Variants in DCAF5 observed in about 807,000 individuals in gnomAD.
The protein encoded by DCAF5 is DDB1- and CUL4-associated factor 5.
A neutral mutation model predicts 80.7 loss-of-function variants in DCAF5; 9 were observed. The observed-to-expected ratio is 0.11, with a 90% CI of 0.07 to 0.19. DCAF5 has a LOEUF of 0.19. DCAF5 is among the 10% of genes least tolerant of loss of function. DCAF5 has a pLI of 1.00. For missense variants in DCAF5, 842 were observed against 1,205.7 expected, an observed-to-expected ratio of 0.70 and a Z score of 4.47; for synonymous variants, 433 against 461.9, an observed-to-expected ratio of 0.94 and a Z score of 0.80.
intron 6 of DCAF5, chr14:69,083,794 GAAGA>G: frequency 1.4e-6 from 1 of 703,800 alleles, no homozygotes; most frequent in Non-Finnish European, 2.6e-6. Flanking sequence ...GGAATCTGAA[GAAGA>G]AAGTGCCAAG....
chr14:69,069,783 T>C (rs1302657429), intron 7 of DCAF5, among the ~76,000 whole-genome samples: 1 of 151,882 alleles, frequency 6.6e-6, no homozygotes, highest in Non-Finnish European at 1.5e-5. Flanking sequence ...CAGCAGTTAG[T>C]TTTAAAAAAA....
intron 6 of DCAF5, chr14:69,089,867 G>A (rs982158023): frequency 5.1e-5 from 46 of 906,326 alleles, no homozygotes; most frequent in Non-Finnish European, 5.9e-5. Context: ...ATAATGCATA[G>A]GACAGCTCCA....
chr14:69,108,282 A>G (rs2056153), intron 5 of DCAF5, among the ~76,000 whole-genome samples: 46,355 of 152,096 alleles, frequency 0.3, 9,427 homozygotes, highest in East Asian at 0.91. Context: ...TAACAGAGAG[A>G]TCTAGCAAGG....
intron 7 of DCAF5, among the ~76,000 whole-genome samples, chr14:69,075,053 G>A (rs541858700): frequency 2.1e-4 from 31 of 151,036 alleles, no homozygotes; most frequent in African/African-American, 7.6e-4. Flanking sequence ...AAAAAATCCA[G>A]GTGTGAAATA....
In DCAF5 at chr14:69,105,914, C is replaced by CATATATATATATATATAT. The variant is rs35075766; in HGVS notation, c.665+10434_665+10451dup. On this transcript the variant is annotated intron_variant, in intron 5 of 8. Coordinates refer to ENST00000341516, the MANE Select transcript of DCAF5 (RefSeq NM_003861.3). ...GAGCCAATTTTCCCTAATAAACTGT[C>CATATATATATATATATAT]ATATATATATATATATATATATATA... 8.6e-3 allele frequency among the ~76,000 whole-genome samples: 429 copies of CATATATATATATATATAT among 49,862 alleles called. 19 individuals carry two copies. The highest frequency in any genetic ancestry group is 0.02 in the East Asian group (8 of 392). 32.7% of individuals were successfully genotyped at this position (49,862 alleles called of 152,430 possible). A position where few individuals can be genotyped will look rare whatever the true frequency, so the allele number is the denominator to read the frequency against.
Position 69,152,600 on chromosome 14 carries a change from C to T in DCAF5, c.214+165G>A. The T allele has an allele frequency of 1.7e-6, 1 of 603,738 alleles. No homozygotes were observed. The highest frequency in any genetic ancestry group is 2.9e-6 in the Non-Finnish European group (1 of 342,290). The allele number at this position is 603,738 out of a possible 1,614,324, so 37.4% of individuals were successfully genotyped here. ...TAGAAGACATCCTCTCCTTCCCCTC[C>T]CCCTGCAATGGTTTTAATTTGACAC... is the stretch of plus-strand genomic sequence containing the variant. On this transcript the variant is annotated intron_variant, in intron 1 of 8. Coordinates refer to ENST00000341516, the MANE Select transcript of DCAF5 (RefSeq NM_003861.3). This position sits in a 1 kb window ranked among gnomAD's most constrained non-coding sequence, Gnocchi z 4.1.
Position 69,070,939 on chromosome 14 carries a change from G to A in DCAF5, c.946+4406C>T, listed in dbSNP as rs183410877. On this transcript the variant is annotated intron_variant, in intron 7 of 8. Transcript: ENST00000341516. ...CAGCCTCCCGAGTAGCTGGGATGAT[G>A]GGTGTGCACCACTACACCTGGCTAA... 1.2e-3 allele frequency among the ~76,000 whole-genome samples: 175 copies of A among 152,012 alleles called. 2 individuals carry two copies. Among genetic ancestry groups the A allele is most frequent in the South Asian group, 0.01 (49 of 4,822 alleles).
At chr14:69,131,108 T>C (rs2041026256) in intron 1 of DCAF5, among the ~76,000 whole-genome samples, 2 of 152,166 alleles carry the variant, frequency 1.3e-5, no homozygotes, top group South Asian at 4.1e-4. Flanking sequence ...TAGGTAGCAT[T>C]AAGAATATGA....
At chr14:69,073,624 C>T (rs1482927541) in intron 7 of DCAF5, among the ~76,000 whole-genome samples, 2 of 151,996 alleles carry the variant, frequency 1.3e-5, no homozygotes, top group African/African-American at 2.4e-5. Context: ...TCCACTCCAG[C>T]CTGGGCAAGA....
intron 7 of DCAF5, among the ~76,000 whole-genome samples, chr14:69,071,351 T>C (rs2038684344): frequency 6.6e-6 from 1 of 151,854 alleles, no homozygotes; most frequent in African/African-American, 2.4e-5. Flanking sequence ...TGAGCAGGAG[T>C]GTGCAGAAGA....
intron 7 of DCAF5, among the ~76,000 whole-genome samples, chr14:69,065,082 A>C (rs1191307922): frequency 6.7e-6 from 1 of 148,400 alleles, no homozygotes; most frequent in Non-Finnish European, 1.5e-5. Context: ...TTGCACTTTC[A>C]TGCAATATGA....
intron 5 of DCAF5, among the ~76,000 whole-genome samples, chr14:69,097,874 C>A (rs1178551931): frequency 1.3e-5 from 2 of 152,066 alleles, no homozygotes; most frequent in Non-Finnish European, 2.9e-5. Context: ...CAGGCATGAG[C>A]CACCATGCCC....
At chr14:69,140,521 C>G in intron 1 of DCAF5, among the ~76,000 whole-genome samples, 1 of 152,134 alleles carries the variant, frequency 6.6e-6, no homozygotes, top group East Asian at 1.9e-4. Context: ...ATCACATCCA[C>G]TTTTAGTTAA....
intron 5 of DCAF5, among the ~76,000 whole-genome samples, chr14:69,102,244 G>T (rs1374987702): frequency 1.3e-5 from 2 of 151,542 alleles, no homozygotes; most frequent in Admixed American, 6.6e-5. Context: ...GAGCAGCTGG[G>T]ATTACAGGCA....
At chr14:69,109,626 T>C (rs932496744) in intron 5 of DCAF5, among the ~76,000 whole-genome samples, 1 of 152,230 alleles carries the variant, frequency 6.6e-6, no homozygotes. Context: ...GATTCATCCA[T>C]GTCAATGTGT....
intron 5 of DCAF5, among the ~76,000 whole-genome samples, chr14:69,113,166 C>T (rs1470120643): frequency 6.6e-6 from 1 of 152,028 alleles, no homozygotes; most frequent in Non-Finnish European, 1.5e-5. Flanking sequence ...ATCATTCAAG[C>T]ATTGACTAAT....
chr14:69,058,929 AG>A (rs2038094722), intron 8 of DCAF5, among the ~76,000 whole-genome samples: 1 of 151,908 alleles, frequency 6.6e-6, no homozygotes, highest in Admixed American at 6.6e-5. Flanking sequence ...AGAAGTGAAG[AG>A]ACAAGACGAG....
rs992977388 is a variant in DCAF5 at position 69,072,609 on chromosome 14, C to T, written c.946+2736G>A. 7.0e-5 allele frequency among the ~76,000 whole-genome samples: 8 copies of T among 113,770 alleles called. No homozygotes were observed. The East Asian group carries it at 1.3e-3, about 18-fold the overall frequency. 74.6% of individuals were successfully genotyped at this position (113,770 alleles called of 152,430 possible). Reference sequence around the variant, plus strand: ...CTGCACTCTAGCCTGGGCAACATAGCGAGACCCTGACTTTAAAAAAAAAAA... The same window carrying T: ...CTGCACTCTAGCCTGGGCAACATAGTGAGACCCTGACTTTAAAAAAAAAAA... On this transcript the variant is annotated intron_variant, in intron 7 of 8. Transcript: ENST00000341516.
intron 6 of DCAF5, chr14:69,084,313 G>A: frequency 1.0e-6 from 1 of 958,964 alleles, no homozygotes; most frequent in Admixed American, 1.7e-5. Flanking sequence ...CAGGCTGTCT[G>A]CTGGACCATA....
Sources: allele counts gnomAD v4.1 joint callset (sites outside exome capture counted in the v4.1 genomes callset), GRCh38; gene constraint gnomAD v4.1.1; non-coding constraint Gnocchi (gnomAD v3.1); transcripts MANE v1.5; gene names NCBI Gene and HGNC (gene_info 2026-07-23, HGNC 2026-07-21).